GTSE1: variants seen among roughly 807,000 people sequenced by gnomAD.
GTSE1 encodes G2 and S phase-expressed protein 1.
GTSE1 carries 52 observed loss-of-function variants against 60.5 expected under a neutral mutation model. The observed-to-expected ratio is 0.86, with a 90% CI of 0.69 to 1.08. The LOEUF is 1.08. Ranked by LOEUF, GTSE1 falls within the 50% of genes least tolerant of loss-of-function variation. GTSE1 has a pLI of 0.00. For synonymous variants in GTSE1, 368 were observed against 386.5 expected (o/e 0.95, Z 0.56); for missense variants, 937 against 961.8 (o/e 0.97, Z 0.34).
At chr22:46,326,289 A>T in intron 8 of GTSE1, 147 bp from the exon 9 acceptor site, 1 of 631,286 alleles carries the variant, frequency 1.6e-6, no homozygotes, top group Non-Finnish European at 2.6e-6. Flanking sequence ...GGCCTGTCCC[A>T]GGAGAGCGGA....
At chr22:46,300,911 C>T (rs936065612) in intron 2 of GTSE1, among the ~76,000 whole-genome samples, 11 of 152,210 alleles carry the variant, frequency 7.2e-5, no homozygotes, top group African/African-American at 2.2e-4. Flanking sequence ...CAAGGGCCAT[C>T]GATGTCATCA....
intron 2 of GTSE1, among the ~76,000 whole-genome samples, chr22:46,298,456 C>G (rs1021112918): frequency 2.6e-5 from 4 of 151,972 alleles, no homozygotes; most frequent in Non-Finnish European, 4.4e-5. Flanking sequence ...TACAGGCACC[C>G]GCCACCACAC....
rs747869384 is a variant in GTSE1 at position 46,313,910 on chromosome 22, G to C, written c.948G>C (p.Leu316=). ...CCCAGTTGGGGCTGAAGAAGACCCT[G>C]TTAAAAGCACCCGGCTCTACCAGCA... ...VPNKLGLKKT[L]LKAPGSTSNL... The change falls in exon 6 of 12, where the codon CTG becomes CTC. Residue 316 remains leucine (L), a synonymous_variant. Coordinates refer to ENST00000454366, the MANE Select transcript of GTSE1 (RefSeq NM_016426.7). This position sits in a 1 kb window ranked among gnomAD's most constrained non-coding sequence, Gnocchi z 4.4. 6.2e-6 allele frequency: 10 copies of C among 1,614,080 alleles called. No individual in the cohort carries two copies. In the African/African-American group the frequency reaches 1.3e-4, roughly 22 times the overall value.
Position 46,309,045 on chromosome 22 carries a change from C to CGA in GTSE1, c.762+102_762+103insGA. 1.6e-6 allele frequency: 2 copies of CGA among 1,290,270 alleles called. No individual in the cohort carries two copies. Among genetic ancestry groups the CGA allele is most frequent in the Non-Finnish European group, 2.1e-6 (2 of 941,248 alleles). 79.9% of individuals were successfully genotyped at this position (1,290,270 alleles called of 1,614,324 possible). On this transcript the variant is annotated intron_variant, in intron 4 of 11. Coordinates refer to ENST00000454366, the MANE Select transcript of GTSE1 (RefSeq NM_016426.7). The surrounding 1 kb of genome is among the most constrained non-coding windows in gnomAD (Gnocchi z 6.2). ...GGAAAGCCTCAGAGGTGGCGAGTCT[C>CGA]TGAGGCCTACAAAACACAGGAATGC...
Position 46,329,393 on chromosome 22 carries a change from G to C in GTSE1, c.1962G>C (p.Ala654=). ...LLVDIKLEPL[A]VTPDAASQPL... ...TAGATATCAAACTGGAACCACTCGC[G>C]GTCACTCCAGATGCTGCAAGCCAGC... Residue 654 remains alanine, a synonymous_variant, in exon 11 of 12, where the codon GCG becomes GCC. Transcript: ENST00000454366. The surrounding 1 kb of genome is among the most constrained non-coding windows in gnomAD (Gnocchi z 6.4). 6.2e-7 allele frequency: 1 copy of C among 1,614,070 alleles called. No individual in the cohort carries two copies. Among genetic ancestry groups the C allele is most frequent in the Non-Finnish European group, 8.5e-7 (1 of 1,180,010 alleles).
In GTSE1 at chr22:46,316,886, C is replaced by T. The variant is rs2077784234; in HGVS notation, c.1432+474C>T. On this transcript the variant is annotated intron_variant, in intron 7 of 11. Coordinates refer to ENST00000454366, the MANE Select transcript of GTSE1 (RefSeq NM_016426.7). This position sits in a 1 kb window ranked among gnomAD's most constrained non-coding sequence, Gnocchi z 5.0. ...GGCCTCTTGACGTTGTCTCACAGGA[C>T]ACCGAAGCTCTGTTCTTTTTTTTAT... 6.6e-6 allele frequency among the ~76,000 whole-genome samples: 1 copy of T among 152,114 alleles called. No individual in the cohort carries two copies. Among genetic ancestry groups the T allele is most frequent in the Non-Finnish European group, 1.5e-5 (1 of 68,020 alleles).
chr22:46,326,840 G>T (rs893196432), intron 9 of GTSE1, 186 bp downstream of exon 9: 12 of 522,616 alleles, frequency 2.3e-5, no homozygotes, highest in South Asian at 3.0e-5. Flanking sequence ...GAAAATTAAA[G>T]GTATTACAAG....
At position 46,329,550 on chromosome 22, in the gene GTSE1, T is replaced by C. The variant is rs747642367; in HGVS notation, c.2119T>C (p.Ser707Pro). ...PDMNKNVAKPSPVVGQLIDLS... is the reference protein window; with the variant it reads ...PDMNKNVAKPPPVVGQLIDLS... ...CATGAATAAAAATGTGGCCAAACCT[T>C]CACCGGTGGTGGGACAGGTGAGAAG... is the stretch of plus-strand genomic sequence containing the variant. The change falls in exon 11 of 12, where the codon TCA (serine) becomes CCA (proline). Residue 707 changes from serine to proline, a missense_variant. Coordinates refer to ENST00000454366, the MANE Select transcript of GTSE1 (RefSeq NM_016426.7). The surrounding 1 kb of genome is among the most constrained non-coding windows in gnomAD (Gnocchi z 6.4). The C allele has an allele frequency of 4.3e-6, 7 of 1,613,886 alleles. No homozygotes were observed. The East Asian group carries it at 1.3e-4, about 31-fold the overall frequency.
In GTSE1 at chr22:46,320,771, T is replaced by C. The variant is rs1046337170; in HGVS notation, c.1433-2419T>C. Among the ~76,000 whole-genome samples the C allele has an allele frequency of 1.3e-4, 20 of 152,150 alleles. No homozygotes were observed. The highest frequency in any genetic ancestry group is 4.3e-4 in the African/African-American group (18 of 41,438). ...GCTGTGGGCTTTGCCTCCCCGGTAC[T>C]GGGAGCTGCAGTGGAGACGCGCCGT... is the stretch of plus-strand genomic sequence containing the variant. On this transcript the variant is annotated intron_variant, in intron 7 of 11. Coordinates refer to ENST00000454366, the MANE Select transcript of GTSE1 (RefSeq NM_016426.7). The surrounding 1 kb of genome is among the most constrained non-coding windows in gnomAD (Gnocchi z 7.1).
chr22:46,313,573 A>G lies in GTSE1; in HGVS notation c.928-317A>G, dbSNP rs562127023. On this transcript the variant is annotated intron_variant, in intron 5 of 11. Coordinates refer to ENST00000454366, the MANE Select transcript of GTSE1 (RefSeq NM_016426.7). The surrounding 1 kb of genome is among the most constrained non-coding windows in gnomAD (Gnocchi z 4.4). ...GCCCAGGCTGGAGTGCAATGGCACG[A>G]GCTCAGCTCACTACAACCTCCACCT... 2.0e-5 allele frequency among the ~76,000 whole-genome samples: 3 copies of G among 152,246 alleles called. No homozygotes were observed. Among genetic ancestry groups the G allele is most frequent in the Non-Finnish European group, 4.4e-5 (3 of 68,042 alleles).
Position 46,309,596 on chromosome 22 carries a change from G to A in GTSE1, c.762+653G>A, listed in dbSNP as rs146313871. On this transcript the variant is annotated intron_variant, in intron 4 of 11. Transcript: ENST00000454366. The surrounding 1 kb of genome is among the most constrained non-coding windows in gnomAD (Gnocchi z 6.2). Reference sequence around the variant, plus strand: ...AGCACGTACAGAGGAATGACCCTGGGTGGGGCTGATAGGAGGTGCAGGCAA... The same window carrying A: ...AGCACGTACAGAGGAATGACCCTGGATGGGGCTGATAGGAGGTGCAGGCAA... Among the ~76,000 whole-genome samples, 1,035 of 152,308 alleles carry A rather than the reference G, an allele frequency of 6.8e-3. 6 individuals are homozygous for A. The highest frequency in any genetic ancestry group is 0.012 in the Non-Finnish European group (809 of 68,022).
In GTSE1 at chr22:46,314,013, G is replaced by A; in HGVS notation, c.1051G>A (p.Ala351Thr). Reference sequence around the variant, plus strand: ...GTGCACATCCCCAGCAGTGGGCAAAGGTGAGGCAGCCGGCATCATGCTTGG... The same window carrying A: ...GTGCACATCCCCAGCAGTGGGCAAAAGTGAGGCAGCCGGCATCATGCTTGG... The part of the protein sequence containing the change: ...SACTSPAVGK[A>T]KSSEFASIPA... Residue 351 changes from alanine to threonine, a missense_variant and splice_region_variant, in exon 6 of 12, where the codon GCT (alanine) becomes ACT (threonine). Coordinates refer to ENST00000454366, the MANE Select transcript of GTSE1 (RefSeq NM_016426.7). The surrounding 1 kb of genome is among the most constrained non-coding windows in gnomAD (Gnocchi z 7.1). The A allele has an allele frequency of 3.1e-6, 5 of 1,614,038 alleles. No individual in the cohort carries two copies. The highest frequency in any genetic ancestry group is 4.2e-6 in the Non-Finnish European group (5 of 1,179,914).
At chr22:46,302,664 C>T (rs12166395) in intron 2 of GTSE1, among the ~76,000 whole-genome samples, 5,519 of 152,136 alleles carry the variant, frequency 0.036, 337 homozygotes, top group African/African-American at 0.13. Flanking sequence ...GCCCAGCCGA[C>T]CAATCTTTGG....
chr22:46,307,666 C>A (rs1322009092), intron 2 of GTSE1, among the ~76,000 whole-genome samples: 1 of 152,112 alleles, frequency 6.6e-6, no homozygotes, highest in Non-Finnish European at 1.5e-5. Context: ...CCATGCCTAG[C>A]CAATTTTTGT....
At position 46,316,342 on chromosome 22, in the gene GTSE1, C is replaced by T; in HGVS notation, c.1362C>T (p.Ser454=). 6.2e-7 allele frequency: 1 copy of T among 1,612,796 alleles called. No individual in the cohort carries two copies. The highest frequency in any genetic ancestry group is 8.5e-7 in the Non-Finnish European group (1 of 1,178,794). The change falls in exon 7 of 12, where the codon TCC becomes TCT. Residue 454 remains serine, a synonymous_variant. Coordinates refer to ENST00000454366, the MANE Select transcript of GTSE1 (RefSeq NM_016426.7). The surrounding 1 kb of genome is among the most constrained non-coding windows in gnomAD (Gnocchi z 5.0). ...NKTRSIRRRD[S]CLNSKTKVMP... Reference sequence around the variant, plus strand: ...CTAGAAGTATCAGACGGCGAGATTCCTGTCTAAATTCCAAGACAAAGGTTA... The same window carrying T: ...CTAGAAGTATCAGACGGCGAGATTCTTGTCTAAATTCCAAGACAAAGGTTA...
chr22:46,329,958 T>C lies in GTSE1; in HGVS notation c.2137-89T>C. 1.2e-6 allele frequency: 1 copy of C among 807,476 alleles called. No homozygotes were observed. The highest frequency in any genetic ancestry group is 1.4e-5 in the South Asian group (1 of 72,192). The allele number at this position is 807,476 out of a possible 1,614,324, so 50.0% of individuals were successfully genotyped here. On this transcript the variant is annotated intron_variant, in intron 11 of 11. Coordinates refer to ENST00000454366, the MANE Select transcript of GTSE1 (RefSeq NM_016426.7). This position sits in a 1 kb window ranked among gnomAD's most constrained non-coding sequence, Gnocchi z 6.4. ...AGCCAGGATGAGCGAGTGGCTGTGA[T>C]GACCCACGCAGCCAGTCCTCTGTGC...
In GTSE1 at chr22:46,313,834, G is replaced by A; in HGVS notation, c.928-56G>A. 6.2e-7 allele frequency: 1 copy of A among 1,605,812 alleles called. No homozygotes were observed. Among genetic ancestry groups the A allele is most frequent in the Non-Finnish European group, 8.5e-7 (1 of 1,173,678 alleles). ...AAACCCCTTACTTTTGCAGACACAA[G>A]TAATAGGTAAATAACGAGATCTTTG... On this transcript the variant is annotated intron_variant, in intron 5 of 11. Transcript: ENST00000454366. This position sits in a 1 kb window ranked among gnomAD's most constrained non-coding sequence, Gnocchi z 4.4.
rs1004841753 is a variant in GTSE1 at position 46,316,533 on chromosome 22, C to T, written c.1432+121C>T. On this transcript the variant is annotated intron_variant, in intron 7 of 11. Coordinates refer to ENST00000454366, the MANE Select transcript of GTSE1 (RefSeq NM_016426.7). This position sits in a 1 kb window ranked among gnomAD's most constrained non-coding sequence, Gnocchi z 5.0. ...TAGTTCTTTCCTCCAACAGTGCTTT[C>T]AGGTGTGACCCGCTGTCTTCTCGCC... The T allele has an allele frequency of 2.8e-5, 21 of 745,164 alleles. No individual in the cohort carries two copies. The East Asian group carries it at 5.2e-4, about 18-fold the overall frequency. 46.2% of individuals were successfully genotyped at this position (745,164 alleles called of 1,614,324 possible).
chr22:46,329,263 C>G lies in GTSE1; in HGVS notation c.1927-95C>G. The G allele has an allele frequency of 9.3e-7, 1 of 1,073,508 alleles. No homozygotes were observed. The highest frequency in any genetic ancestry group is 1.4e-6 in the Non-Finnish European group (1 of 698,852). 66.5% of individuals were successfully genotyped at this position (1,073,508 alleles called of 1,614,324 possible). A position where few individuals can be genotyped will look rare whatever the true frequency, so the allele number is the denominator to read the frequency against. On this transcript the variant is annotated intron_variant, in intron 10 of 11. Coordinates refer to ENST00000454366, the MANE Select transcript of GTSE1 (RefSeq NM_016426.7). The surrounding 1 kb of genome is among the most constrained non-coding windows in gnomAD (Gnocchi z 6.4). ...CCTGATTCCTTGGCTTTCCAAACCG[C>G]CAGCCCACCTGGAACATGAGCAAAG...
Sources: allele counts gnomAD v4.1 joint callset (sites outside exome capture counted in the v4.1 genomes callset), GRCh38; gene constraint gnomAD v4.1.1; non-coding constraint Gnocchi (gnomAD v3.1); transcripts MANE v1.5; gene names NCBI Gene and HGNC (gene_info 2026-07-23, HGNC 2026-07-21).